EYS: variants seen among roughly 807,000 people sequenced by gnomAD.
EYS encodes the protein EGF-like photoreceptor maintenance factor.
A neutral mutation model predicts 282.1 loss-of-function variants in EYS; 250 were observed. The observed-to-expected ratio is 0.89, with a 90% CI of 0.80 to 0.98. The LOEUF is 0.98. Ranked by LOEUF, EYS falls within the 50% of genes least tolerant of loss-of-function variation. The pLI, the probability that EYS is intolerant of heterozygous loss-of-function variation, is 0.00. For missense variants in EYS, 4,016 were observed against 3,709.0 expected (o/e 1.08, Z -2.15); for synonymous variants, 1,355 against 1,282.9 (o/e 1.06, Z -1.20).
chr6:65,463,120 C>G (rs1764878278), intron 5 of EYS, among the ~76,000 whole-genome samples: 1 of 152,202 alleles, frequency 6.6e-6, no homozygotes, highest in East Asian at 1.9e-4. Context: ...CTGCTCAAAA[C>G]TGCAGTAGCT....
Position 65,128,952 on chromosome 6 carries a change from TG to T in EYS, c.2024-71226del, listed in dbSNP as rs536702712. 1.2e-4 allele frequency among the ~76,000 whole-genome samples: 18 copies of T among 152,132 alleles called. 1 individual carries two copies. In the South Asian group the frequency reaches 3.7e-3, roughly 32 times the overall value. On this transcript the variant is annotated intron_variant, in intron 12 of 42. Coordinates refer to ENST00000503581, the MANE Select transcript of EYS (RefSeq NM_001142800.2). ...GCAGTAAAAAAAACCAGCATGGAAC[TG>T]GTACAATAGACACATAGACCAATGG...
intron 31 of EYS, among the ~76,000 whole-genome samples, chr6:64,106,942 G>A (rs1042177571): frequency 6.6e-6 from 1 of 150,484 alleles, no homozygotes; most frequent in Admixed American, 6.6e-5. Context: ...TCTTTTCTCA[G>A]CAGTGCCCAG....
At chr6:63,884,350 G>A (rs922590344) in intron 35 of EYS, among the ~76,000 whole-genome samples, 3 of 151,882 alleles carry the variant, frequency 2.0e-5, no homozygotes, top group African/African-American at 7.3e-5. Flanking sequence ...TCCTTTACTG[G>A]TAACTTTTCA....
chr6:65,318,435 T>C (rs1020127070), intron 11 of EYS, among the ~76,000 whole-genome samples: 23 of 149,820 alleles, frequency 1.5e-4, no homozygotes, highest in Non-Finnish European at 3.4e-4. Flanking sequence ...ATAGTGCGTG[T>C]GGGAGGAGAC....
intron 2 of EYS, among the ~76,000 whole-genome samples, chr6:65,562,102 C>T (rs1196612886): frequency 1.3e-5 from 2 of 151,660 alleles, no homozygotes; most frequent in Non-Finnish European, 2.9e-5. Context: ...ATATAGCATG[C>T]ATGTTTAGTA....
At chr6:65,020,936 A>G (rs1388230911) in intron 13 of EYS, among the ~76,000 whole-genome samples, 2 of 152,052 alleles carry the variant, frequency 1.3e-5, no homozygotes, top group African/African-American at 4.8e-5. Flanking sequence ...TTTTTTAGCT[A>G]TGGCTGGAGC....
At chr6:63,927,469 T>A (rs1031921005) in intron 35 of EYS, among the ~76,000 whole-genome samples, 1 of 152,200 alleles carries the variant, frequency 6.6e-6, no homozygotes, top group African/African-American at 2.4e-5. Flanking sequence ...CATAAAACAA[T>A]TAACATTTCT....
intron 19 of EYS, among the ~76,000 whole-genome samples, chr6:64,864,760 G>A (rs1251139363): frequency 1.3e-5 from 2 of 151,750 alleles, no homozygotes; most frequent in African/African-American, 4.8e-5. Context: ...AATGGGGCAG[G>A]CGCAGTGGCT....
chr6:64,077,406 T>C (rs1159956884), intron 32 of EYS, among the ~76,000 whole-genome samples: 6 of 152,006 alleles, frequency 3.9e-5, no homozygotes, highest in African/African-American at 1.2e-4. Context: ...GTTATGACTC[T>C]TTAGATTTCA....
intron 24 of EYS, among the ~76,000 whole-genome samples, chr6:64,594,383 T>C (rs1353559391): frequency 6.6e-6 from 1 of 152,064 alleles, no homozygotes; most frequent in Non-Finnish European, 1.5e-5. Flanking sequence ...TTATAATCCT[T>C]TGGGTATATA....
At chr6:64,229,989 T>C (rs2150337645) in intron 31 of EYS, among the ~76,000 whole-genome samples, 1 of 152,326 alleles carries the variant, frequency 6.6e-6, no homozygotes, top group Middle Eastern at 3.4e-3. Flanking sequence ...CATGACTTAA[T>C]GCCTTTGTAA....
intron 41 of EYS, among the ~76,000 whole-genome samples, chr6:63,739,164 C>A (rs1181064025): frequency 1.3e-5 from 2 of 151,766 alleles, no homozygotes; most frequent in Non-Finnish European, 2.9e-5. Flanking sequence ...CAAATTCTCC[C>A]TGATTTGGCC....
intron 34 of EYS, among the ~76,000 whole-genome samples, chr6:63,992,290 T>C (rs952734975): frequency 2.0e-5 from 3 of 151,992 alleles, no homozygotes; most frequent in Admixed American, 1.3e-4. Flanking sequence ...GTTATTTTTA[T>C]GGTTTTTATT....
At chr6:65,046,307 C>A in intron 13 of EYS, among the ~76,000 whole-genome samples, 1 of 151,808 alleles carries the variant, frequency 6.6e-6, no homozygotes, top group East Asian at 1.9e-4. Context: ...AGAGACAGAA[C>A]CTCAGTAGAA....
intron 31 of EYS, among the ~76,000 whole-genome samples, chr6:64,212,432 C>T (rs1394308844): frequency 6.6e-6 from 1 of 151,794 alleles, no homozygotes; most frequent in Non-Finnish European, 1.5e-5. Context: ...GAATTTAAAT[C>T]TGATTATATA....
Position 64,590,417 on chromosome 6 carries a change from CAATCTGGCCT to C in EYS, c.5440_5449del (p.Arg1814GlyfsTer8). The C allele has an allele frequency of 1.3e-6, 2 of 1,551,296 alleles. No individual in the cohort carries two copies. Among genetic ancestry groups the C allele is most frequent in the Non-Finnish European group, 1.7e-6 (2 of 1,146,748 alleles). On this transcript the variant is annotated frameshift_variant, in exon 26 of 43. Transcript: ENST00000503581. LOFTEE classifies it high-confidence loss of function. ...GGTCATATAATCTGTAAAATATGGCCAATCTGGCCTAATTACAGACATGGAGGAAGACGTC... is the reference window on the plus strand; with the variant it reads ...GGTCATATAATCTGTAAAATATGGCCAATTACAGACATGGAGGAAGACGTC...
intron 41 of EYS, among the ~76,000 whole-genome samples, chr6:63,730,846 C>T (rs1031084456): frequency 6.6e-6 from 1 of 151,956 alleles, no homozygotes; most frequent in African/African-American, 2.4e-5. Flanking sequence ...ATGATGAAAC[C>T]CCGTCTCTAC....
At chr6:65,620,554 C>T (rs1766435183) in intron 2 of EYS, among the ~76,000 whole-genome samples, 1 of 150,932 alleles carries the variant, frequency 6.6e-6, no homozygotes, top group Admixed American at 6.6e-5. Context: ...CTATTTCCTT[C>T]AGTTCTGCTC....
At chr6:63,751,641 T>C (rs1188673608) in intron 41 of EYS, among the ~76,000 whole-genome samples, 5 of 152,224 alleles carry the variant, frequency 3.3e-5, no homozygotes, top group Non-Finnish European at 7.3e-5. Flanking sequence ...ACCTAGTTAC[T>C]GTAGCAAAAA....
Sources: allele counts gnomAD v4.1 joint callset (sites outside exome capture counted in the v4.1 genomes callset), GRCh38; gene constraint gnomAD v4.1.1; transcripts MANE v1.5; gene names NCBI Gene and HGNC (gene_info 2026-07-23, HGNC 2026-07-21).